COL21A1: variants seen among roughly 807,000 people sequenced by gnomAD.
The protein encoded by COL21A1 is collagen type XXI alpha 1 chain, also known as collagen alpha-1(XXI) chain.
In COL21A1, 149 loss-of-function variants were observed where a neutral mutation model predicts 137.9. That is an observed-to-expected ratio of 1.08 (90% confidence interval 0.95 to 1.24). COL21A1 has a LOEUF of 1.24. Ranked by LOEUF, COL21A1 falls within the 50% of genes most tolerant of loss-of-function variation. COL21A1 has a pLI of 0.00. For missense variants in COL21A1, 1,167 were observed against 1,158.4 expected (o/e 1.01, Z -0.11); for synonymous variants, 456 against 391.5 (o/e 1.16, Z -1.95).
At chr6:56,153,141 G>A (rs981009318) in intron 10 of COL21A1, among the ~76,000 whole-genome samples, 8 of 152,146 alleles carry the variant, frequency 5.3e-5, no homozygotes, top group African/African-American at 1.2e-4. Context: ...AATGGGGGTC[G>A]AAGATAAATA....
At chr6:56,373,308 T>G (rs2093993428) in intron 1 of COL21A1, among the ~76,000 whole-genome samples, 1 of 152,210 alleles carries the variant, frequency 6.6e-6, no homozygotes, top group Admixed American at 6.5e-5. Flanking sequence ...TTTTTTTATT[T>G]AAAAATGTTT....
intron 1 of COL21A1, among the ~76,000 whole-genome samples, chr6:56,210,335 CT>C (rs1780081998): frequency 6.6e-6 from 1 of 152,150 alleles, no homozygotes; most frequent in African/African-American, 2.4e-5. Context: ...GATGGGTCAC[CT>C]TTGAAGGCTG....
At chr6:56,201,251 G>T (rs1307041439) in intron 1 of COL21A1, among the ~76,000 whole-genome samples, 1 of 152,072 alleles carries the variant, frequency 6.6e-6, no homozygotes, top group African/African-American at 2.4e-5. Context: ...CCATTCTGTA[G>T]GTTGCCTGTT....
chr6:56,283,874 A>ACACTCTCTCT (rs375116485), intron 1 of COL21A1, among the ~76,000 whole-genome samples: 134 of 146,290 alleles, frequency 9.2e-4, no homozygotes, highest in Middle Eastern at 6.8e-3. Context: ...TCACACACAC[A>ACACTCTCTCT]CTCTCTCTCT....
chr6:56,182,397 T>C, intron 2 of COL21A1, 134 bp downstream of exon 2: 1 of 621,674 alleles, frequency 1.6e-6, no homozygotes, highest in Admixed American at 2.8e-5. Flanking sequence ...AACATAGCAA[T>C]TCATTTATTT....
At chr6:56,292,695 C>T (rs1453992412) in intron 1 of COL21A1, among the ~76,000 whole-genome samples, 1 of 152,190 alleles carries the variant, frequency 6.6e-6, no homozygotes, top group African/African-American at 2.4e-5. Flanking sequence ...TTCTTAGGGG[C>T]ATCAGCATAT....
chr6:56,336,021 A>C (rs989982270), intron 1 of COL21A1, among the ~76,000 whole-genome samples: 2 of 152,238 alleles, frequency 1.3e-5, no homozygotes, highest in African/African-American at 4.8e-5. Context: ...GACAACAGAC[A>C]AGGCTAATAA....
intron 1 of COL21A1, among the ~76,000 whole-genome samples, chr6:56,308,691 C>T (rs1293674346): frequency 4.0e-5 from 6 of 151,506 alleles, no homozygotes; most frequent in Non-Finnish European, 7.4e-5. Flanking sequence ...ATATATTGTA[C>T]ATCAAAATTT....
At chr6:56,202,490 T>G (rs1240612825) in intron 1 of COL21A1, among the ~76,000 whole-genome samples, 2 of 152,148 alleles carry the variant, frequency 1.3e-5, no homozygotes, top group African/African-American at 4.8e-5. Flanking sequence ...TCACTGACCC[T>G]CAATAAATGT....
chr6:56,075,103 TA>T (rs1767101010), intron 19 of COL21A1, among the ~76,000 whole-genome samples: 2 of 151,386 alleles, frequency 1.3e-5, no homozygotes, highest in Admixed American at 6.6e-5. Flanking sequence ...CTATGTCTTC[TA>T]TACATATTCT....
chr6:56,223,418 T>C (rs1033478), intron 1 of COL21A1, among the ~76,000 whole-genome samples: 113,740 of 151,944 alleles, frequency 0.75, 43,291 homozygotes, highest in African/African-American at 0.88. Context: ...ACTGAAACAC[T>C]TATTTATTTG....
intron 17 of COL21A1, among the ~76,000 whole-genome samples, chr6:56,080,592 GTATT>G (rs1767666379): frequency 6.6e-6 from 1 of 151,650 alleles, no homozygotes; most frequent in Non-Finnish European, 1.5e-5. Context: ...TGTAATGAAT[GTATT>G]TACTTATCTA....
At chr6:56,273,276 C>T (rs905324264) in intron 1 of COL21A1, among the ~76,000 whole-genome samples, 21 of 152,154 alleles carry the variant, frequency 1.4e-4, no homozygotes, top group Admixed American at 1.0e-3. Context: ...ACACCTTCAT[C>T]GAGAAGTTAG....
chr6:56,305,083 G>C (rs1010710465), intron 1 of COL21A1, among the ~76,000 whole-genome samples: 17 of 152,266 alleles, frequency 1.1e-4, no homozygotes, highest in African/African-American at 3.9e-4. Context: ...TTTGATTGCA[G>C]TGTGGTCTGA....
intron 17 of COL21A1, among the ~76,000 whole-genome samples, chr6:56,094,974 A>C (rs1186305761): frequency 6.6e-6 from 1 of 152,178 alleles, no homozygotes; most frequent in African/African-American, 2.4e-5. Context: ...ATCCAAATAA[A>C]ACCATATTTA....
intron 16 of COL21A1, among the ~76,000 whole-genome samples, chr6:56,106,381 C>A (rs1262460349): frequency 6.6e-6 from 1 of 152,140 alleles, no homozygotes; most frequent in Non-Finnish European, 1.5e-5. Flanking sequence ...TAAGATGGAG[C>A]TTCTTATCTG....
chr6:56,195,919 C>A (rs762469926), intron 1 of COL21A1, among the ~76,000 whole-genome samples: 3 of 152,110 alleles, frequency 2.0e-5, no homozygotes, highest in East Asian at 1.9e-4. Context: ...GACAAGAACA[C>A]TACAAGAAAA....
At chr6:56,354,234 C>T (rs1428172798) in intron 1 of COL21A1, among the ~76,000 whole-genome samples, 1 of 152,140 alleles carries the variant, frequency 6.6e-6, no homozygotes, top group Non-Finnish European at 1.5e-5. Context: ...GGATAATGAC[C>T]AGAAAGGGCA....
At chr6:56,318,399 T>G (rs1303703916) in intron 1 of COL21A1, among the ~76,000 whole-genome samples, 1 of 152,162 alleles carries the variant, frequency 6.6e-6, no homozygotes, top group Non-Finnish European at 1.5e-5. Context: ...GACTTCCTAG[T>G]GCACTCACTC....
Sources: allele counts gnomAD v4.1 joint callset (sites outside exome capture counted in the v4.1 genomes callset), GRCh38; gene constraint gnomAD v4.1.1; transcripts MANE v1.5; gene names NCBI Gene and HGNC (gene_info 2026-07-23, HGNC 2026-07-21).